MBNL3: variants seen among roughly 807,000 people sequenced by gnomAD.
MBNL3 encodes muscleblind like splicing regulator 3.
In MBNL3, 6 loss-of-function variants were observed where a neutral mutation model predicts 24.5. The ratio of observed to expected loss-of-function variants is 0.25; its 90% CI spans 0.13 to 0.48. The LOEUF (loss-of-function observed/expected upper bound fraction) is 0.48, where lower values mean the gene tolerates loss of function less well. MBNL3 is among the 20% of genes least tolerant of loss of function. MBNL3 has a pLI of 0.99. For missense variants in MBNL3, 230 were observed against 293.5 expected (o/e 0.78, Z 1.58); for synonymous variants, 100 against 101.7 (o/e 0.98, Z 0.10).
intron 1 of MBNL3, among the ~76,000 whole-genome samples, chrX:132,487,993 TA>T (rs969242238): frequency 8.9e-6 from 1 of 112,036 alleles, no homozygotes; most frequent in African/African-American, 3.2e-5. Flanking sequence ...GTCCGCTTAA[TA>T]AAAAAAGTAC....
At chrX:132,414,275 A>C (rs773443457) in intron 2 of MBNL3, among the ~76,000 whole-genome samples, 2 of 112,671 alleles carry the variant, frequency 1.8e-5, no homozygotes, top group East Asian at 5.6e-4. Flanking sequence ...TTATTTTTTC[A>C]TTAAGAATGC....
chrX:132,463,674 C>G (rs1054501702), intron 1 of MBNL3, among the ~76,000 whole-genome samples: 1 of 111,019 alleles, frequency 9.0e-6, no homozygotes, highest in Non-Finnish European at 1.9e-5. Flanking sequence ...AGGAGTTTCG[C>G]ACACAATTTT....
At chrX:132,410,146 G>C (rs762714664) in intron 2 of MBNL3, among the ~76,000 whole-genome samples, 1 of 111,910 alleles carries the variant, frequency 8.9e-6, no homozygotes, top group Admixed American at 9.5e-5. Context: ...CATTTATAAA[G>C]CCTCCCAAAT....
At chrX:132,433,830 C>G (rs1394544830) in intron 2 of MBNL3, among the ~76,000 whole-genome samples, 3 of 111,115 alleles carry the variant, frequency 2.7e-5, no homozygotes, top group Non-Finnish European at 5.7e-5. Context: ...CTTGAGTTTC[C>G]TCACACACAC....
intron 2 of MBNL3, among the ~76,000 whole-genome samples, chrX:132,416,823 T>C (rs1262988679): frequency 8.9e-6 from 1 of 112,231 alleles, no homozygotes; most frequent in African/African-American, 3.2e-5. Flanking sequence ...ATGTATCGTG[T>C]ATTTAAGTGG....
rs1569424160 is a variant in MBNL3 at position 132,396,524 on chromosome X, ATATATATTCATATATATATTCC to A, written c.343-4212_343-4191del. On this transcript the variant is annotated intron_variant, in intron 3 of 8. Coordinates refer to ENST00000370853, the MANE Select transcript of MBNL3 (RefSeq NM_001386889.1). ...CCTATATATATTCATATATATTCAT[ATATATATTCATATATATATTCC>A]TATATATTCCTATATATATTCCTAT... Among the ~76,000 whole-genome samples the A allele has an allele frequency of 2.5e-3, 127 of 51,527 alleles. 2 individuals are homozygous for A. The highest frequency in any genetic ancestry group is 4.0e-3 in the East Asian group (8 of 1,979). The allele number at this position is 51,527 out of a possible 115,157, so 44.7% of individuals were successfully genotyped here.
rs1304377339 is a variant in MBNL3, at chrX:132,370,217, G to A, written c.*9449C>T. ...AAAATCAGAGAATGTGTGTCCATCT[G>A]TTAAAGTTTAACAAATATAGGCTTT... is the stretch of plus-strand genomic sequence containing the variant. On this transcript the variant is annotated 3_prime_UTR_variant, in exon 9 of 9. Coordinates refer to ENST00000370853, the MANE Select transcript of MBNL3 (RefSeq NM_001386889.1). The A allele has an allele frequency of 8.9e-6, 1 of 111,842 alleles. No individual in the cohort carries two copies. The highest frequency in any genetic ancestry group is 1.9e-5 in the Non-Finnish European group (1 of 53,190). The allele number at this position is 111,842 out of a possible 1,213,427, so 9.2% of individuals were successfully genotyped here.
chrX:132,473,733 C>T (rs2044046), intron 1 of MBNL3, among the ~76,000 whole-genome samples: 29,538 of 110,742 alleles, frequency 0.27, 2,982 homozygotes, highest in East Asian at 0.42. Flanking sequence ...AACCTCAATT[C>T]TCAGGCATTC....
chrX:132,475,628 T>G (rs1163856094), intron 1 of MBNL3, among the ~76,000 whole-genome samples: 1 of 112,298 alleles, frequency 8.9e-6, no homozygotes, highest in African/African-American at 3.2e-5. Flanking sequence ...AAATGTCAGT[T>G]GACTCTGAAT....
rs1281817961 is a variant in MBNL3, at chrX:132,470,237, A to G, written c.-704+18614T>C. ...AAGGTAATGGTGTTTTGTGAGGCTC[A>G]ATTTATAGAAAAATGTCTAATTCAC... On this transcript the variant is annotated intron_variant, in intron 1 of 8. Coordinates refer to ENST00000370853, the MANE Select transcript of MBNL3 (RefSeq NM_001386889.1). Among the ~76,000 whole-genome samples, 18 of 111,826 alleles carry G rather than the reference A, an allele frequency of 1.6e-4. No individual in the cohort carries two copies. The Admixed American group carries it at 1.7e-3, about 11-fold the overall frequency.
chrX:132,447,007 T>C (rs1945760404), intron 1 of MBNL3, among the ~76,000 whole-genome samples: 1 of 112,163 alleles, frequency 8.9e-6, no homozygotes, highest in South Asian at 3.7e-4. Flanking sequence ...AAATAGGGAA[T>C]CCTTTCCCCA....
At chrX:132,395,176 A>G (rs1157075592) in intron 3 of MBNL3, among the ~76,000 whole-genome samples, 2 of 111,302 alleles carry the variant, frequency 1.8e-5, no homozygotes, top group Non-Finnish European at 3.8e-5. Flanking sequence ...GCCCCAGGGT[A>G]ACTACTCCAT....
chrX:132,458,064 T>C (rs1043976819), intron 1 of MBNL3, among the ~76,000 whole-genome samples: 1 of 111,372 alleles, frequency 9.0e-6, no homozygotes, highest in South Asian at 3.8e-4. Flanking sequence ...AGATGGCTTA[T>C]ATCCATTTAT....
At chrX:132,400,585 A>T (rs1239666679) in intron 3 of MBNL3, among the ~76,000 whole-genome samples, 3 of 111,712 alleles carry the variant, frequency 2.7e-5, no homozygotes, top group Non-Finnish European at 5.6e-5. Flanking sequence ...TTACAAACAC[A>T]TTTTAAACAC....
intron 2 of MBNL3, among the ~76,000 whole-genome samples, chrX:132,428,360 G>T (rs1300781114): frequency 9.0e-6 from 1 of 110,501 alleles, no homozygotes; most frequent in African/African-American, 3.3e-5. Flanking sequence ...TGACTTTAAA[G>T]AAAACAATAT....
Position 132,387,193 on chromosome X carries a change from G to A in MBNL3, c.772-382C>T, listed in dbSNP as rs763778701. Among the ~76,000 whole-genome samples, 4 of 102,902 alleles carry A rather than the reference G, an allele frequency of 3.9e-5. No individual in the cohort carries two copies. In the East Asian group the frequency reaches 9.4e-4, roughly 24 times the overall value. 89.4% of individuals were successfully genotyped at this position (102,902 alleles called of 115,157 possible). On this transcript the variant is annotated intron_variant, in intron 5 of 8. Coordinates refer to ENST00000370853, the MANE Select transcript of MBNL3 (RefSeq NM_001386889.1). Reference sequence around the variant, plus strand: ...AGGCTGAGACAGGAGGATTGCTTGAGCCCAGGACGTCAAGACTGCAGTGAG... The same window carrying A: ...AGGCTGAGACAGGAGGATTGCTTGAACCCAGGACGTCAAGACTGCAGTGAG...
intron 1 of MBNL3, among the ~76,000 whole-genome samples, chrX:132,445,172 A>C (rs62617183): frequency 0.014 from 1,616 of 112,171 alleles, 18 homozygotes; most frequent in Middle Eastern, 0.028. Flanking sequence ...AGCTTTCCTT[A>C]CATCTGTATT....
Position 132,369,883 on chromosome X carries a change from A to G in MBNL3, c.*9783T>C, listed in dbSNP as rs1420208482. 1.8e-5 allele frequency: 2 copies of G among 112,115 alleles called. No individual in the cohort carries two copies. The highest frequency in any genetic ancestry group is 1.9e-4 in the Admixed American group (2 of 10,565). The allele number at this position is 112,115 out of a possible 1,213,427, so 9.2% of individuals were successfully genotyped here. A position where few individuals can be genotyped will look rare whatever the true frequency, so the allele number is the denominator to read the frequency against. ...TCACTGTGTTCTTTCCATGCACAAC[A>G]GAAAAATGCTGGGCTGCACTGGCCA... On this transcript the variant is annotated 3_prime_UTR_variant, in exon 9 of 9. Transcript: ENST00000370853.
At chrX:132,488,431 C>T (rs1469215665) in intron 1 of MBNL3, among the ~76,000 whole-genome samples, 1 of 111,330 alleles carries the variant, frequency 9.0e-6, no homozygotes, top group East Asian at 2.8e-4. Flanking sequence ...CCTTCAAACC[C>T]CAGTAGTAAA....
Sources: allele counts gnomAD v4.1 joint callset (sites outside exome capture counted in the v4.1 genomes callset), GRCh38; gene constraint gnomAD v4.1.1; transcripts MANE v1.5; gene names NCBI Gene and HGNC (gene_info 2026-07-23, HGNC 2026-07-21).